Variants in UBE2E3 observed in about 807,000 individuals in gnomAD.
The protein encoded by UBE2E3 is ubiquitin conjugating enzyme E2 E3, also known as ubiquitin-conjugating enzyme E2 E3.
UBE2E3 carries 5 observed loss-of-function variants against 23.6 expected under a neutral mutation model. The ratio of observed to expected loss-of-function variants is 0.21; its 90% CI spans 0.11 to 0.44. UBE2E3 has a LOEUF of 0.44. Ranked by LOEUF, UBE2E3 falls within the 20% of genes least tolerant of loss-of-function variation. The pLI, the probability that UBE2E3 is intolerant of heterozygous loss-of-function variation, is 0.99. For synonymous variants in UBE2E3, 78 were observed against 87.5 expected (o/e 0.89, Z 0.60); for missense variants, 81 against 249.8 (o/e 0.32, Z 4.55).
intron 3 of UBE2E3, among the ~76,000 whole-genome samples, chr2:181,032,244 T>A (rs1278434412): frequency 6.6e-6 from 1 of 152,186 alleles, no homozygotes; most frequent in Non-Finnish European, 1.5e-5. Flanking sequence ...AAAGGAAAAG[T>A]AAAATAGAAT....
chr2:180,986,231 A>G (rs1162667042), intron 3 of UBE2E3, among the ~76,000 whole-genome samples: 1 of 152,116 alleles, frequency 6.6e-6, no homozygotes, highest in Admixed American at 6.5e-5. Context: ...AGATGAGTTT[A>G]TGTGTGGCTG....
Position 180,982,013 on chromosome 2 carries a change from A to T in UBE2E3, c.-25-5A>T. On this transcript the variant is annotated splice_region_variant and splice_polypyrimidine_tract_variant and intron_variant, in intron 1 of 5. Transcript: ENST00000410062. ...CTCCTCCTCCTCCCCTGTTCTCTTT[A>T]AAAGTTTTCCAAGAGATAACTTCAC... 1.9e-6 allele frequency: 3 copies of T among 1,585,708 alleles called. No individual in the cohort carries two copies. The highest frequency in any genetic ancestry group is 2.6e-6 in the Non-Finnish European group (3 of 1,167,278).
intron 3 of UBE2E3, among the ~76,000 whole-genome samples, chr2:181,020,569 T>A (rs371626169): frequency 6.6e-6 from 1 of 152,208 alleles, no homozygotes; most frequent in East Asian, 1.9e-4. Context: ...ATTTCCTTTG[T>A]TTTTAATTCA....
chr2:181,063,096 G>A lies in UBE2E3; in HGVS notation c.*208G>A, dbSNP rs1382310675. 1.8e-5 allele frequency: 6 copies of A among 328,872 alleles called. No homozygotes were observed. The highest frequency in any genetic ancestry group is 2.3e-5 in the Non-Finnish European group (4 of 173,494). 20.4% of individuals were successfully genotyped at this position (328,872 alleles called of 1,614,324 possible). On this transcript the variant is annotated 3_prime_UTR_variant, in exon 6 of 6. Transcript: ENST00000410062. The surrounding 1 kb of genome is among the most constrained non-coding windows in gnomAD (Gnocchi z 4.1). ...GCTGTAGATTAGTTATGTTTAAAAC[G>A]CCTACTTGCAAGTCTTGCTTCTTTG...
chr2:181,029,334 T>C (rs988571468), intron 3 of UBE2E3, among the ~76,000 whole-genome samples: 4 of 152,164 alleles, frequency 2.6e-5, no homozygotes, highest in African/African-American at 9.6e-5. Context: ...TGGAAAAGTA[T>C]TCTTGTGGTT....
intron 3 of UBE2E3, among the ~76,000 whole-genome samples, chr2:181,010,719 T>G (rs1685299278): frequency 6.6e-6 from 1 of 152,164 alleles, no homozygotes; most frequent in Non-Finnish European, 1.5e-5. Flanking sequence ...CTGTGACTGA[T>G]ACAATCAATT....
chr2:181,007,014 G>A (rs186369933), intron 3 of UBE2E3, among the ~76,000 whole-genome samples: 1 of 152,228 alleles, frequency 6.6e-6, no homozygotes, highest in Non-Finnish European at 1.5e-5. Flanking sequence ...TTAGCTTGAG[G>A]CATCTCTGAG....
intron 4 of UBE2E3, 22 bp downstream of exon 4, chr2:181,057,847 C>CT (rs1559137313): frequency 6.2e-7 from 1 of 1,607,420 alleles, no homozygotes; most frequent in Non-Finnish European, 8.5e-7. Flanking sequence ...GAAGTGCATT[C>CT]TTTAGTATTT....
chr2:181,040,896 T>G (rs73039024), intron 3 of UBE2E3, among the ~76,000 whole-genome samples: 5,807 of 151,420 alleles, frequency 0.038, 308 homozygotes, highest in East Asian at 0.19. Context: ...GACTTGAATT[T>G]TCATAAGTAG....
chr2:181,005,092 C>CT (rs1301348018), intron 3 of UBE2E3, among the ~76,000 whole-genome samples: 1 of 152,180 alleles, frequency 6.6e-6, no homozygotes, highest in Non-Finnish European at 1.5e-5. Context: ...ACCAAACCAG[C>CT]TTAAGTAAAA....
chr2:181,000,501 T>C (rs1425154483), intron 3 of UBE2E3, among the ~76,000 whole-genome samples: 2 of 151,988 alleles, frequency 1.3e-5, no homozygotes, highest in South Asian at 2.1e-4. Flanking sequence ...ATAGTATAAA[T>C]GGTATCCCCT....
chr2:181,048,966 C>G (rs1393525437), intron 3 of UBE2E3, among the ~76,000 whole-genome samples: 1 of 152,074 alleles, frequency 6.6e-6, no homozygotes, highest in Non-Finnish European at 1.5e-5. Context: ...AAATGAACAA[C>G]TCATTGCTAA....
chr2:181,033,920 G>GA (rs1260464671), intron 3 of UBE2E3, among the ~76,000 whole-genome samples: 3 of 152,114 alleles, frequency 2.0e-5, no homozygotes, highest in Non-Finnish European at 4.4e-5. Context: ...AAAGACACAT[G>GA]AAAAAATGCT....
At chr2:181,021,606 T>TCCTCCCTTCCTTCCTCCCTCCCTTCCTC (rs1574190924) in intron 3 of UBE2E3, among the ~76,000 whole-genome samples, 1 of 78,438 alleles carries the variant, frequency 1.3e-5, no homozygotes, top group African/African-American at 5.9e-5. Context: ...CTCCCTTCCT[T>TCCTCCCTTCCTTCCTCCCTCCCTTCCTC]CCTTCCTCCC....
intron 3 of UBE2E3, among the ~76,000 whole-genome samples, chr2:181,056,689 A>G (rs868609596): frequency 1.1e-4 from 16 of 151,950 alleles, no homozygotes; most frequent in South Asian, 1.0e-3. Context: ...TAGCAGGGAC[A>G]GATCAAACCA....
At chr2:180,997,247 C>G (rs956193137) in intron 3 of UBE2E3, among the ~76,000 whole-genome samples, 1 of 151,670 alleles carries the variant, frequency 6.6e-6, no homozygotes. Flanking sequence ...TTATCTATCT[C>G]TATTTATTTT....
At chr2:181,057,861 C>T (rs752123961) in intron 4 of UBE2E3, 36 bp downstream of exon 4, 7 of 1,596,256 alleles carry the variant, frequency 4.4e-6, no homozygotes, top group Non-Finnish European at 6.0e-6. Flanking sequence ...AGTATTTAAT[C>T]CTTCTCCTCT....
At chr2:181,035,755 C>A (rs1484304114) in intron 3 of UBE2E3, among the ~76,000 whole-genome samples, 2 of 151,976 alleles carry the variant, frequency 1.3e-5, no homozygotes, top group East Asian at 3.8e-4. Context: ...CAAGACAATT[C>A]TTTTTTTAGT....
intron 3 of UBE2E3, among the ~76,000 whole-genome samples, chr2:181,036,436 G>C (rs759435173): frequency 1.3e-5 from 2 of 152,216 alleles, no homozygotes; most frequent in Non-Finnish European, 2.9e-5. Context: ...GAAAAAACCT[G>C]ATTCCTGGCA....
Sources: allele counts gnomAD v4.1 joint callset (sites outside exome capture counted in the v4.1 genomes callset), GRCh38; gene constraint gnomAD v4.1.1; non-coding constraint Gnocchi (gnomAD v3.1); transcripts MANE v1.5; gene names NCBI Gene and HGNC (gene_info 2026-07-23, HGNC 2026-07-21).